The following TRERF1 variants were observed in gnomAD, a reference collection of about 807,000 sequenced individuals.
TRERF1 encodes the protein transcriptional regulating factor 1.
In TRERF1, 27 loss-of-function variants were observed where a neutral mutation model predicts 122.9. The ratio of observed to expected loss-of-function variants is 0.22; its 90% CI spans 0.16 to 0.30. TRERF1 has a LOEUF of 0.30. TRERF1 is among the 10% of genes least tolerant of loss of function. TRERF1 has a pLI of 1.00. For missense variants in TRERF1, 1,248 were observed against 1,560.3 expected, an observed-to-expected ratio of 0.80 and a Z score of 3.37; for synonymous variants, 636 against 641.7, an observed-to-expected ratio of 0.99 and a Z score of 0.13.
At chr6:42,234,488 C>A (rs931082133) in intron 16 of TRERF1, among the ~76,000 whole-genome samples, 2 of 152,028 alleles carry the variant, frequency 1.3e-5, no homozygotes, top group Non-Finnish European at 2.9e-5. Flanking sequence ...CAGGCGCGCA[C>A]CACCACGCCC....
intron 3 of TRERF1, among the ~76,000 whole-genome samples, chr6:42,361,712 A>G (rs538188722): frequency 3.3e-5 from 5 of 152,306 alleles, no homozygotes; most frequent in African/African-American, 1.2e-4. Context: ...TTATAATCCA[A>G]GTGACCTGCA....
At chr6:42,368,361 C>G (rs1455091511) in intron 2 of TRERF1, among the ~76,000 whole-genome samples, 1 of 152,110 alleles carries the variant, frequency 6.6e-6, no homozygotes, top group Non-Finnish European at 1.5e-5. Context: ...CTCGGCGCCC[C>G]CACACAGCAC....
chr6:42,392,191 G>A (rs1224041298), intron 2 of TRERF1, among the ~76,000 whole-genome samples: 1 of 152,212 alleles, frequency 6.6e-6, no homozygotes, highest in Non-Finnish European at 1.5e-5. Flanking sequence ...GCAGCACCTG[G>A]CACATGGCAG....
chr6:42,293,457 T>A (rs1784615155), intron 4 of TRERF1, among the ~76,000 whole-genome samples: 1 of 152,194 alleles, frequency 6.6e-6, no homozygotes, highest in Admixed American at 6.5e-5. Context: ...CCACATGGCT[T>A]GAGTGTTGTC....
Position 42,338,610 on chromosome 6 carries a change from T to C in TRERF1, c.-371+24387A>G, listed in dbSNP as rs189940159. ...TATGAGCTGGAAACCAGATCAAAGG[T>C]AGACTCACGTGGTGCTCCCTCTGCC... On this transcript the variant is annotated intron_variant, in intron 3 of 17. Transcript: ENST00000372922. 1.1e-3 allele frequency among the ~76,000 whole-genome samples: 170 copies of C among 152,282 alleles called. 1 individual carries two copies. Among genetic ancestry groups the C allele is most frequent in the African/African-American group, 3.8e-3 (158 of 41,544 alleles).
rs183203288 is a variant in TRERF1 at position 42,333,987 on chromosome 6, C to T, written c.-371+29010G>A. On this transcript the variant is annotated intron_variant, in intron 3 of 17. Transcript: ENST00000372922. ...GAGGCCACTAGGAAAAAAAAGACCA[C>T]ACACATACACTACACACACACACAC... is the stretch of plus-strand genomic sequence containing the variant. Among the ~76,000 whole-genome samples, 28 of 100,120 alleles carry T rather than the reference C, an allele frequency of 2.8e-4. No individual in the cohort carries two copies. The East Asian group carries it at 7.7e-3, about 28-fold the overall frequency. 65.7% of individuals were successfully genotyped at this position (100,120 alleles called of 152,430 possible).
At chr6:42,342,879 G>A (rs1767556690) in intron 3 of TRERF1, among the ~76,000 whole-genome samples, 1 of 152,094 alleles carries the variant, frequency 6.6e-6, no homozygotes, top group Admixed American at 6.5e-5. Context: ...TCTTTTCTAG[G>A]CCCAATTTCT....
chr6:42,389,608 TTTATTA>T (rs1240005407), intron 2 of TRERF1, among the ~76,000 whole-genome samples: 1 of 152,230 alleles, frequency 6.6e-6, no homozygotes, highest in African/African-American at 2.4e-5. Context: ...TTTTCATTCT[TTTATTA>T]TTAATATTAT....
chr6:42,415,575 C>T lies in TRERF1; in HGVS notation c.-454+35602G>A, dbSNP rs144499444. 4.6e-5 allele frequency among the ~76,000 whole-genome samples: 7 copies of T among 152,266 alleles called. No homozygotes were observed. In the East Asian group the frequency reaches 1.3e-3, roughly 29 times the overall value. ...TCTAAGGCATGTATTAGGGATCCTG[C>T]TCTTTCTTATCTCTCAGATAGCTAT... is the stretch of plus-strand genomic sequence containing the variant. On this transcript the variant is annotated intron_variant, in intron 2 of 17. Coordinates refer to ENST00000372922, the Ensembl canonical transcript of TRERF1.
rs1433116829 is a variant in TRERF1 at position 42,344,816 on chromosome 6, A to AT, written c.-371+18180dup. On this transcript the variant is annotated intron_variant, in intron 3 of 17. Transcript: ENST00000372922. ...GCACCCTACCCACCTTCTTTGTCTT[A>AT]TTTTTTTCCCACAGCACTTATTACC... 3.3e-5 allele frequency among the ~76,000 whole-genome samples: 5 copies of AT among 152,114 alleles called. No individual in the cohort carries two copies. The East Asian group carries it at 7.7e-4, about 23-fold the overall frequency.
intron 2 of TRERF1, among the ~76,000 whole-genome samples, chr6:42,416,048 A>G (rs1354311281): frequency 1.6e-4 from 25 of 152,006 alleles, no homozygotes; most frequent in Admixed American, 1.6e-3. Context: ...ATAACTAGAT[A>G]TTTTATCTCT....
At chr6:42,252,417 T>C (rs1458453074) in intron 13 of TRERF1, among the ~76,000 whole-genome samples, 1 of 152,258 alleles carries the variant, frequency 6.6e-6, no homozygotes, top group Non-Finnish European at 1.5e-5. Flanking sequence ...CTGGGAGACC[T>C]GAACTCCCTC....
At chr6:42,236,486 TC>T in intron 15 of TRERF1, 75 bp from the exon 16 acceptor site, 3 of 1,512,720 alleles carry the variant, frequency 2.0e-6, no homozygotes, top group Non-Finnish European at 2.6e-6. Flanking sequence ...AACTCACAGA[TC>T]AACAGAGGAG....
At chr6:42,296,379 C>T (rs994211005) in intron 4 of TRERF1, among the ~76,000 whole-genome samples, 1 of 152,186 alleles carries the variant, frequency 6.6e-6, no homozygotes, top group Non-Finnish European at 1.5e-5. Context: ...AAAAGCATCA[C>T]CAACAAGAAC....
chr6:42,352,027 A>T (rs906780731), intron 3 of TRERF1, among the ~76,000 whole-genome samples: 4 of 152,048 alleles, frequency 2.6e-5, no homozygotes, highest in Non-Finnish European at 5.9e-5. Context: ...TTTTTGAGAC[A>T]GGGTCCCAAC....
rs1779767005 is a variant in TRERF1 at position 42,269,034 on chromosome 6, G to T, written c.557C>A (p.Ser186Tyr). Residue 186 changes from serine (S) to tyrosine (Y), a missense_variant, in exon 5 of 18, where the codon TCT becomes TAT. By Grantham distance (144) the Ser-to-Tyr change is moderately radical (BLOSUM62 -2). This residue lies in a region of TRERF1 where 946 missense variants were observed against 1,073.0 expected (regional missense o/e 0.88). Transcript: ENST00000372922. The surrounding 1 kb of genome is among the most constrained non-coding windows in gnomAD (Gnocchi z 4.9). ...TGCTGGGGGCTCCATGGGCTTCTGAGACAGCAGCTGGCGGAGAGCACTGTC... is the reference window on the plus strand; with the variant it reads ...TGCTGGGGGCTCCATGGGCTTCTGATACAGCAGCTGGCGGAGAGCACTGTC... 5.0e-6 allele frequency: 8 copies of T among 1,614,162 alleles called. No homozygotes were observed. The East Asian group carries it at 1.8e-4, about 36-fold the overall frequency.
At chr6:42,328,275 C>T (rs113936592) in intron 3 of TRERF1, among the ~76,000 whole-genome samples, 19,703 of 151,998 alleles carry the variant, frequency 0.13, 2,391 homozygotes, top group African/African-American at 0.33. Flanking sequence ...TCACAGAGTG[C>T]TAAGATTACA....
chr6:42,255,258 T>A (rs552005664), intron 12 of TRERF1, among the ~76,000 whole-genome samples: 1 of 152,222 alleles, frequency 6.6e-6, no homozygotes, highest in African/African-American at 2.4e-5. Context: ...TGGGCAAAGA[T>A]TCCTAGGAAA....
chr6:42,297,651 T>C (rs1785341373), intron 4 of TRERF1, among the ~76,000 whole-genome samples: 1 of 152,228 alleles, frequency 6.6e-6, no homozygotes, highest in Non-Finnish European at 1.5e-5. Context: ...CACAGGTTTG[T>C]AGCCTGAATT....
Sources: allele counts gnomAD v4.1 joint callset (sites outside exome capture counted in the v4.1 genomes callset), GRCh38; gene constraint gnomAD v4.1.1; regional missense constraint gnomAD v4.1.1; non-coding constraint Gnocchi (gnomAD v3.1); transcripts MANE v1.5; gene names NCBI Gene and HGNC (gene_info 2026-07-23, HGNC 2026-07-21).